Variants in FBXO31 observed in about 807,000 individuals in gnomAD.
FBXO31 encodes the protein F-box only protein 31.
FBXO31 carries 24 observed loss-of-function variants against 54.4 expected under a neutral mutation model. The ratio of observed to expected loss-of-function variants is 0.44; its 90% CI spans 0.32 to 0.62. FBXO31 has a LOEUF of 0.62. FBXO31 is among the 20% of genes least tolerant of loss of function. The pLI is 0.05. For missense variants in FBXO31, 665 were observed against 787.1 expected (o/e 0.84, Z 1.86); for synonymous variants, 388 against 335.6 (o/e 1.16, Z -1.71).
At chr16:87,377,934 G>A (rs1262726330) in intron 1 of FBXO31, among the ~76,000 whole-genome samples, 2 of 152,062 alleles carry the variant, frequency 1.3e-5, no homozygotes, top group Non-Finnish European at 2.9e-5. Flanking sequence ...GAGGCAGGCG[G>A]ATCACCTGAG....
At chr16:87,373,480 TAC>T (rs1163688850) in intron 1 of FBXO31, among the ~76,000 whole-genome samples, 1 of 151,266 alleles carries the variant, frequency 6.6e-6, no homozygotes, top group Non-Finnish European at 1.5e-5. Flanking sequence ...TATACATATA[TAC>T]ACACACATAC....
At position 87,331,363 on chromosome 16, in the gene FBXO31, G is replaced by T. The variant is rs748126473; in HGVS notation, c.1545C>A (p.Thr515=). The change falls in exon 9 of 9, where the codon ACC becomes ACA. Residue 515 remains threonine, a synonymous_variant. Coordinates refer to ENST00000311635, the MANE Select transcript of FBXO31 (RefSeq NM_024735.5). ...GGGACGGCGCATCTGCGTTCCGGAA[G>T]GTGGCCTGGACCCGGCTGTACAGGC... ...SFSLYSRVQA[T]FRNADAPSPQ... 2 of 1,614,040 alleles carry T rather than the reference G, an allele frequency of 1.2e-6. No homozygotes were observed. The highest frequency in any genetic ancestry group is 2.2e-5 in the South Asian group (2 of 91,086).
At chr16:87,364,453 G>C (rs1461573119) in intron 1 of FBXO31, among the ~76,000 whole-genome samples, 1 of 152,228 alleles carries the variant, frequency 6.6e-6, no homozygotes, top group African/African-American at 2.4e-5. Context: ...ACCTGGGCCA[G>C]TTCGCGCCGA....
chr16:87,348,327 G>A (rs1308432505), intron 2 of FBXO31, among the ~76,000 whole-genome samples: 1 of 152,184 alleles, frequency 6.6e-6, no homozygotes, highest in Non-Finnish European at 1.5e-5. Flanking sequence ...CCACCCCTTG[G>A]ATGCTAAATG....
intron 4 of FBXO31, 104 bp from the exon 5 acceptor site, chr16:87,343,055 A>C: frequency 1.1e-6 from 1 of 905,854 alleles, no homozygotes; most frequent in Non-Finnish European, 1.7e-6. Context: ...CACCACACCC[A>C]CCAAACCCCA....
chr16:87,387,732 G>A (rs886130370), upstream of FBXO31, among the ~76,000 whole-genome samples: 12 of 152,178 alleles, frequency 7.9e-5, no homozygotes, highest in South Asian at 2.1e-4. Context: ...GTGTGAACCC[G>A]GGAGGCGGAG....
chr16:87,346,288 C>T lies in FBXO31; in HGVS notation c.489+886G>A, dbSNP rs563595363. 2.6e-5 allele frequency among the ~76,000 whole-genome samples: 4 copies of T among 151,688 alleles called. No homozygotes were observed. The highest frequency in any genetic ancestry group is 7.3e-5 in the African/African-American group (3 of 41,304). Reference sequence around the variant, plus strand: ...AGGGCCTCTTGAGGAGACCAGGCCACGGCACCCAGCAAGTGCCCAGGCGCA... The same window carrying T: ...AGGGCCTCTTGAGGAGACCAGGCCATGGCACCCAGCAAGTGCCCAGGCGCA... On this transcript the variant is annotated intron_variant, in intron 3 of 8. Transcript: ENST00000311635. This position sits in a 1 kb window ranked among gnomAD's most constrained non-coding sequence, Gnocchi z 4.2.
At position 87,358,367 on chromosome 16, in the gene FBXO31, C is replaced by T. The variant is rs979063736; in HGVS notation, c.412+1928G>A. ...GGGCCCTCCCCATGCAGTTCTTGGC[C>T]GTGCTGGCTGCCGCAGAAGCCAAAG... On this transcript the variant is annotated intron_variant, in intron 2 of 8. Coordinates refer to ENST00000311635, the MANE Select transcript of FBXO31 (RefSeq NM_024735.5). This position sits in a 1 kb window ranked among gnomAD's most constrained non-coding sequence, Gnocchi z 4.0. The T allele has an allele frequency of 5.2e-5, 8 of 152,658 alleles. No individual in the cohort carries two copies. Among genetic ancestry groups the T allele is most frequent in the African/African-American group, 1.4e-4 (6 of 41,448 alleles). The allele number at this position is 152,658 out of a possible 1,614,324, so 9.5% of individuals were successfully genotyped here.
chr16:87,369,860 T>C (rs184831599), intron 1 of FBXO31, among the ~76,000 whole-genome samples: 26 of 152,010 alleles, frequency 1.7e-4, no homozygotes, highest in Admixed American at 1.6e-3. Context: ...AATAAATAAA[T>C]AAATAAGAAA....
chr16:87,331,549 G>T, intron 8 of FBXO31, 39 bp from the exon 9 acceptor site: 1 of 1,533,372 alleles, frequency 6.5e-7, no homozygotes, highest in South Asian at 1.2e-5. Flanking sequence ...GCTGGGGGAG[G>T]GCTGAGTCAA....
intron 2 of FBXO31, among the ~76,000 whole-genome samples, chr16:87,348,234 GC>G (rs2150677711): frequency 6.6e-6 from 1 of 152,138 alleles, no homozygotes; most frequent in East Asian, 1.9e-4. Context: ...CACCCTACCT[GC>G]CCGCTCTCCA....
At chr16:87,341,849 G>C (rs1026192005) in intron 5 of FBXO31, among the ~76,000 whole-genome samples, 1 of 152,088 alleles carries the variant, frequency 6.6e-6, no homozygotes, top group Non-Finnish European at 1.5e-5. Flanking sequence ...CAGGACATTT[G>C]GTTCATCTCA....
rs1029632244 is a variant in FBXO31 at position 87,338,087 on chromosome 16, G to A, written c.733-1823C>T. 1.3e-5 allele frequency among the ~76,000 whole-genome samples: 2 copies of A among 152,244 alleles called. No homozygotes were observed. Among genetic ancestry groups the A allele is most frequent in the East Asian group, 3.9e-4 (2 of 5,178 alleles). On this transcript the variant is annotated intron_variant, in intron 5 of 8. Coordinates refer to ENST00000311635, the MANE Select transcript of FBXO31 (RefSeq NM_024735.5). The surrounding 1 kb of genome is among the most constrained non-coding windows in gnomAD (Gnocchi z 4.3). ...CTGCGACTTCAACTTGACACCATCA[G>A]GAAGATGAGCATGTGTAGCCATGAC...
chr16:87,360,176 A>G, intron 2 of FBXO31, 119 bp downstream of exon 2: 1 of 887,854 alleles, frequency 1.1e-6, no homozygotes. Context: ...TGTGACTGTA[A>G]GATGGTGTCT....
Position 87,336,397 on chromosome 16 carries a change from G to A in FBXO31, c.733-133C>T. ...GGCACCTGCAGGGCCCTCTTGGTGG[G>A]GGAGGATGGACTTGGCGCTGGGAAG... is the stretch of plus-strand genomic sequence containing the variant. On this transcript the variant is annotated intron_variant, in intron 5 of 8. Transcript: ENST00000311635. The surrounding 1 kb of genome is among the most constrained non-coding windows in gnomAD (Gnocchi z 6.5). The A allele has an allele frequency of 2.7e-6, 2 of 731,558 alleles. No homozygotes were observed. The highest frequency in any genetic ancestry group is 4.6e-6 in the Non-Finnish European group (2 of 433,276). The allele number at this position is 731,558 out of a possible 1,614,324, so 45.3% of individuals were successfully genotyped here.
At chr16:87,337,889 T>C in intron 5 of FBXO31, among the ~76,000 whole-genome samples, 1 of 151,916 alleles carries the variant, frequency 6.6e-6, no homozygotes, top group East Asian at 1.9e-4. Context: ...TTTTTAGGAC[T>C]TTTTTAGGAT....
intron 2 of FBXO31, among the ~76,000 whole-genome samples, chr16:87,348,226 C>T (rs933783442): frequency 3.9e-5 from 6 of 152,202 alleles, no homozygotes; most frequent in Non-Finnish European, 7.3e-5. Context: ...TGCCTCTCCA[C>T]CCTACCTGCC....
chr16:87,388,926 C>T (rs545871184), intron 1 of FBXO31, among the ~76,000 whole-genome samples: 3 of 152,272 alleles, frequency 2.0e-5, no homozygotes, highest in South Asian at 2.1e-4. Flanking sequence ...GGAACATTAA[C>T]GTTTATATTA....
intron 1 of FBXO31, 41 bp from the exon 2 acceptor site, chr16:87,360,407 T>G: frequency 1.3e-6 from 2 of 1,584,598 alleles, no homozygotes; most frequent in Non-Finnish European, 1.7e-6. Flanking sequence ...GATCAACAAC[T>G]CATAACGCGA....
Sources: allele counts gnomAD v4.1 joint callset (sites outside exome capture counted in the v4.1 genomes callset), GRCh38; gene constraint gnomAD v4.1.1; non-coding constraint Gnocchi (gnomAD v3.1); transcripts MANE v1.5; gene names NCBI Gene and HGNC (gene_info 2026-07-23, HGNC 2026-07-21).